The following STARD3 variants were observed in gnomAD, a reference collection of about 807,000 sequenced individuals.
STARD3 encodes StAR related lipid transfer domain containing 3, also known as stAR-related lipid transfer protein 3.
A neutral mutation model predicts 62.0 loss-of-function variants in STARD3; 39 were observed. The observed-to-expected ratio is 0.63, with a 90% CI of 0.49 to 0.82. The LOEUF is 0.82. Ranked by LOEUF, STARD3 falls within the 40% of genes least tolerant of loss-of-function variation. The probability of loss-of-function intolerance (pLI) is 0.00; values close to 1 mark genes in which losing one functional copy is unlikely to be tolerated. For synonymous variants in STARD3, 229 were observed against 242.4 expected (o/e 0.94, Z 0.51); for missense variants, 543 against 584.5 (o/e 0.93, Z 0.73).
chr17:39,651,715 C>T (rs2057079842), intron 1 of STARD3: 1 of 152,296 alleles, frequency 6.6e-6, no homozygotes, highest in Admixed American at 6.5e-5. Flanking sequence ...AGGCACCGGT[C>T]ACCACGCCTG....
chr17:39,645,579 C>T (rs1179525605), intron 1 of STARD3, among the ~76,000 whole-genome samples: 1 of 152,128 alleles, frequency 6.6e-6, no homozygotes, highest in African/African-American at 2.4e-5. Flanking sequence ...AAATGATTCT[C>T]CTGCCTCATA....
chr17:39,647,939 G>A (rs1200420952), intron 1 of STARD3, among the ~76,000 whole-genome samples: 3 of 152,148 alleles, frequency 2.0e-5, no homozygotes, highest in African/African-American at 4.8e-5. Context: ...AAGCCCAGGA[G>A]TTCAAGACCA....
rs538130940 is a variant in STARD3 at position 39,639,274 on chromosome 17, T to G, written c.-52+2043T>G. On this transcript the variant is annotated intron_variant, in intron 1 of 14. Transcript: ENST00000336308. ...AATAAAATGCTGGAGTGGAGGACAC[T>G]GGGGGCAGGGTCTGGATTTATTGAG... is the stretch of plus-strand genomic sequence containing the variant. Among the ~76,000 whole-genome samples the G allele has an allele frequency of 2.3e-3, 350 of 152,276 alleles. 4 individuals carry two copies. Among genetic ancestry groups the G allele is most frequent in the Non-Finnish European group, 4.0e-3 (274 of 68,030 alleles).
At chr17:39,653,361 G>A (rs2057095087) in intron 1 of STARD3, 120 bp from the exon 2 acceptor site, 3 of 680,534 alleles carry the variant, frequency 4.4e-6, no homozygotes, top group Non-Finnish European at 7.3e-6. Flanking sequence ...CAGTGCCCTG[G>A]GCCCTGGGCT....
At chr17:39,661,674 G>T (rs1487090540) in intron 13 of STARD3, among the ~76,000 whole-genome samples, 1 of 152,198 alleles carries the variant, frequency 6.6e-6, no homozygotes, top group Non-Finnish European at 1.5e-5. Context: ...GTTCCAGCAG[G>T]AGCACTGTTC....
chr17:39,639,952 C>G (rs1179614086), intron 1 of STARD3, among the ~76,000 whole-genome samples: 1 of 152,292 alleles, frequency 6.6e-6, no homozygotes, highest in East Asian at 1.9e-4. Flanking sequence ...CTCTGGGAGC[C>G]CACGGTCCTT....
intron 1 of STARD3, among the ~76,000 whole-genome samples, chr17:39,641,924 G>A (rs935689430): frequency 2.0e-5 from 3 of 152,208 alleles, no homozygotes; most frequent in South Asian, 4.1e-4. Flanking sequence ...GACCTCAAGG[G>A]CTTGGGACAG....
Position 39,662,253 on chromosome 17 carries a change from G to C in STARD3, c.1142G>C (p.Gly381Ala), listed in dbSNP as rs761884220. The change falls in exon 14 of 15, where the codon GGA (glycine) becomes GCA (alanine). Residue 381 changes from glycine to alanine, a missense_variant and splice_region_variant. Transcript: ENST00000336308. ...CCCAATGATGCCTCTTTCCATAGGG[G>C]AGAGAATGGCCCTGGGGGCTTCATC... ...AKPPTHKYVR[G>A]ENGPGGFIVL... 3.1e-6 allele frequency: 5 copies of C among 1,613,662 alleles called. No homozygotes were observed. In the East Asian group the frequency reaches 8.9e-5, roughly 29 times the overall value.
At chr17:39,653,396 C>T (rs1012889870) in intron 1 of STARD3, 85 bp from the exon 2 acceptor site, 29 of 902,154 alleles carry the variant, frequency 3.2e-5, no homozygotes, top group South Asian at 3.2e-4. Flanking sequence ...GAGACAAATG[C>T]GTTTGGGAGC....
At chr17:39,640,429 G>C (rs2056972868) in intron 1 of STARD3, among the ~76,000 whole-genome samples, 1 of 152,196 alleles carries the variant, frequency 6.6e-6, no homozygotes, top group African/African-American at 2.4e-5. Flanking sequence ...TTCTGGCTGA[G>C]GAGAGGCTAA....
At chr17:39,659,879 G>C in intron 9 of STARD3, 2 of 511,200 alleles carry the variant, frequency 3.9e-6, no homozygotes, top group Middle Eastern at 5.3e-4. Flanking sequence ...TACAAAGATC[G>C]TAGAGAGCTT....
At position 39,660,745 on chromosome 17, in the gene STARD3, G is replaced by T. The variant is rs746160992; in HGVS notation, c.955-65G>T. 505 of 1,523,032 alleles carry T rather than the reference G, an allele frequency of 3.3e-4. No homozygotes were observed. Among genetic ancestry groups the T allele is most frequent in the Non-Finnish European group, 4.4e-4 (498 of 1,127,520 alleles). 94.3% of individuals were successfully genotyped at this position (1,523,032 alleles called of 1,614,324 possible). ...ATAGCAGTTAGTAAAGGGGCCTGGG[G>T]TGTTCCCATCCCTGGGGTTTTCCTG... On this transcript the variant is annotated intron_variant, in intron 11 of 14. Transcript: ENST00000336308. This position sits in a 1 kb window ranked among gnomAD's most constrained non-coding sequence, Gnocchi z 4.8.
Position 39,660,387 on chromosome 17 carries a change from C to A in STARD3, c.859-44C>A. Reference sequence around the variant, plus strand: ...ACCAAGAGGGAAGGGTTGGTCTGCCCGAGCCCATCTGGCACCACCCAGCCC... The same window carrying A: ...ACCAAGAGGGAAGGGTTGGTCTGCCAGAGCCCATCTGGCACCACCCAGCCC... On this transcript the variant is annotated intron_variant, in intron 10 of 14. Coordinates refer to ENST00000336308, the MANE Select transcript of STARD3 (RefSeq NM_006804.4). This position sits in a 1 kb window ranked among gnomAD's most constrained non-coding sequence, Gnocchi z 4.8. 1 of 1,611,464 alleles carries A rather than the reference C, an allele frequency of 6.2e-7. No individual in the cohort carries two copies. Among genetic ancestry groups the A allele is most frequent in the Non-Finnish European group, 8.5e-7 (1 of 1,178,344 alleles).
At chr17:39,657,898 GT>G (rs766552934) in intron 4 of STARD3, 46 bp downstream of exon 4, 1 of 1,613,780 alleles carries the variant, frequency 6.2e-7, no homozygotes, top group Non-Finnish European at 8.5e-7. Flanking sequence ...GGCAGGGCTG[GT>G]GGAAGGGATG....
intron 8 of STARD3, 144 bp downstream of exon 8, chr17:39,659,250 C>A: frequency 8.7e-7 from 1 of 1,148,662 alleles, no homozygotes; most frequent in Non-Finnish European, 1.3e-6. Flanking sequence ...CCCCCACCAC[C>A]AGTCCGGCCC....
intron 1 of STARD3, among the ~76,000 whole-genome samples, chr17:39,649,781 G>A (rs747332096): frequency 2.0e-5 from 3 of 149,768 alleles, no homozygotes; most frequent in Non-Finnish European, 2.9e-5. Context: ...CAGGAGAATC[G>A]CTTGAACCTG....
chr17:39,649,676 G>A (rs1218468065), intron 1 of STARD3, among the ~76,000 whole-genome samples: 1 of 151,564 alleles, frequency 6.6e-6, no homozygotes, highest in Non-Finnish European at 1.5e-5. Context: ...AGACCAGCCT[G>A]GCCAATATGG....
intron 1 of STARD3, among the ~76,000 whole-genome samples, chr17:39,641,277 G>A (rs904742593): frequency 3.3e-5 from 5 of 152,132 alleles, no homozygotes; most frequent in African/African-American, 1.2e-4. Context: ...GACCTCAAGG[G>A]CTTAGGACAG....
chr17:39,660,758 T>TG lies in STARD3; in HGVS notation c.955-48dup. The TG allele has an allele frequency of 6.5e-7, 1 of 1,536,770 alleles. No individual in the cohort carries two copies. Among genetic ancestry groups the TG allele is most frequent in the Non-Finnish European group, 8.8e-7 (1 of 1,140,524 alleles). On this transcript the variant is annotated intron_variant, in intron 11 of 14. Coordinates refer to ENST00000336308, the MANE Select transcript of STARD3 (RefSeq NM_006804.4). This position sits in a 1 kb window ranked among gnomAD's most constrained non-coding sequence, Gnocchi z 4.8. ...AAGGGGCCTGGGGTGTTCCCATCCC[T>TG]GGGGTTTTCCTGGGGCGACCTGTTC... is the stretch of plus-strand genomic sequence containing the variant.
Sources: allele counts gnomAD v4.1 joint callset (sites outside exome capture counted in the v4.1 genomes callset), GRCh38; gene constraint gnomAD v4.1.1; non-coding constraint Gnocchi (gnomAD v3.1); transcripts MANE v1.5; gene names NCBI Gene and HGNC (gene_info 2026-07-23, HGNC 2026-07-21).